ITFG1: variants seen among roughly 807,000 people sequenced by gnomAD.
ITFG1 encodes the protein T-cell immunomodulatory protein.
A neutral mutation model predicts 81.8 loss-of-function variants in ITFG1; 34 were observed. That is an observed-to-expected ratio of 0.42 (90% CI 0.32 to 0.55). The LOEUF (loss-of-function observed/expected upper bound fraction) is 0.55, where lower values mean the gene tolerates loss of function less well. Among genes scored for constraint, ITFG1 ranks in the 20% least tolerant of loss-of-function variants. The pLI, the probability that ITFG1 is intolerant of heterozygous loss-of-function variation, is 0.17. For missense variants in ITFG1, 672 were observed against 755.4 expected (o/e 0.89, Z 1.29); for synonymous variants, 285 against 270.6 (o/e 1.05, Z -0.52).
At chr16:47,333,782 T>A (rs1438031438) in intron 8 of ITFG1, among the ~76,000 whole-genome samples, 1 of 152,222 alleles carries the variant, frequency 6.6e-6, no homozygotes, top group Non-Finnish European at 1.5e-5. Flanking sequence ...TTTAAGGAAC[T>A]GCTCTTTTTA....
At chr16:47,357,124 C>G (rs1343289135) in intron 8 of ITFG1, among the ~76,000 whole-genome samples, 2 of 151,552 alleles carry the variant, frequency 1.3e-5, no homozygotes, top group African/African-American at 2.4e-5. Context: ...ATTATATTAA[C>G]TAGGGTAGGC....
chr16:47,376,479 T>C (rs1341839951), intron 6 of ITFG1, among the ~76,000 whole-genome samples: 3 of 152,128 alleles, frequency 2.0e-5, no homozygotes, highest in Non-Finnish European at 2.9e-5. Flanking sequence ...AAAAGTACAA[T>C]AATTTTAATA....
intron 6 of ITFG1, among the ~76,000 whole-genome samples, chr16:47,401,687 T>C (rs1274399878): frequency 6.6e-6 from 1 of 152,116 alleles, no homozygotes; most frequent in Non-Finnish European, 1.5e-5. Context: ...AACAGATAAA[T>C]ATTAAAATCA....
chr16:47,169,081 T>TA (rs1278874721), intron 14 of ITFG1, among the ~76,000 whole-genome samples: 1 of 152,250 alleles, frequency 6.6e-6, no homozygotes, highest in Non-Finnish European at 1.5e-5. Flanking sequence ...TCCATTGGTT[T>TA]ATATGTCTGT....
chr16:47,264,637 C>CAT (rs746259926), intron 10 of ITFG1, among the ~76,000 whole-genome samples: 17 of 150,402 alleles, frequency 1.1e-4, no homozygotes, highest in Non-Finnish European at 2.2e-4. Flanking sequence ...ACGAGAAATT[C>CAT]CAGATGACAG....
intron 5 of ITFG1, among the ~76,000 whole-genome samples, chr16:47,446,320 T>G (rs2151616831): frequency 6.6e-6 from 1 of 152,304 alleles, no homozygotes; most frequent in East Asian, 1.9e-4. Flanking sequence ...TGGGCTTCAA[T>G]GAGAACTCAA....
At chr16:47,451,278 C>A in intron 5 of ITFG1, 118 bp downstream of exon 5, 1 of 597,286 alleles carries the variant, frequency 1.7e-6, no homozygotes, top group Non-Finnish European at 2.9e-6. Context: ...ATATATTAAC[C>A]AAATGCCCAC....
At chr16:47,444,146 A>G (rs1969292021) in intron 5 of ITFG1, among the ~76,000 whole-genome samples, 1 of 152,222 alleles carries the variant, frequency 6.6e-6, no homozygotes, top group Non-Finnish European at 1.5e-5. Context: ...ACTGCTGAGA[A>G]ATGACTCAAT....
intron 3 of ITFG1, among the ~76,000 whole-genome samples, chr16:47,453,394 T>C (rs997940360): frequency 6.6e-6 from 1 of 152,224 alleles, no homozygotes; most frequent in Admixed American, 6.5e-5. Flanking sequence ...TCAACTTTTT[T>C]GTGCTTTCCT....
At chr16:47,438,132 G>C (rs1969193603) in intron 5 of ITFG1, among the ~76,000 whole-genome samples, 1 of 152,226 alleles carries the variant, frequency 6.6e-6, no homozygotes, top group African/African-American at 2.4e-5. Flanking sequence ...GCGAGGCTGG[G>C]GTAGGGGCGC....
intron 14 of ITFG1, among the ~76,000 whole-genome samples, chr16:47,162,913 A>G (rs1463243990): frequency 2.6e-5 from 4 of 152,004 alleles, no homozygotes; most frequent in Admixed American, 6.6e-5. Context: ...GGCTCAAGCT[A>G]TCCTCCTTCC....
At chr16:47,276,591 T>C (rs189614663) in intron 10 of ITFG1, among the ~76,000 whole-genome samples, 2 of 152,170 alleles carry the variant, frequency 1.3e-5, no homozygotes, top group Non-Finnish European at 2.9e-5. Context: ...CAAAATTACA[T>C]GGGAAGGTAT....
chr16:47,229,422 G>A (rs1288703764), intron 13 of ITFG1, among the ~76,000 whole-genome samples: 2 of 152,092 alleles, frequency 1.3e-5, no homozygotes, highest in Admixed American at 6.5e-5. Context: ...ATAGAGTTGT[G>A]GGAGGGCCTG....
At chr16:47,319,335 A>G (rs1034574752) in intron 8 of ITFG1, among the ~76,000 whole-genome samples, 1 of 152,166 alleles carries the variant, frequency 6.6e-6, no homozygotes, top group Admixed American at 6.6e-5. Flanking sequence ...GAATCCTGTC[A>G]GTTGTTTTCT....
Position 47,161,741 on chromosome 16 carries a change from G to C in ITFG1, c.1661+9C>G, listed in dbSNP as rs758758388. On this transcript the variant is annotated intron_variant, in intron 16 of 17. Coordinates refer to ENST00000320640, the MANE Select transcript of ITFG1 (RefSeq NM_030790.5). ...GTCTTTACCAAATCGGTTCAAGCAA[G>C]TACATTACCTTCGAGGGACATTGTG... The C allele has an allele frequency of 2.5e-6, 4 of 1,582,968 alleles. No individual in the cohort carries two copies. Among genetic ancestry groups the C allele is most frequent in the Non-Finnish European group, 3.5e-6 (4 of 1,151,906 alleles).
chr16:47,381,209 A>G (rs1178782687), intron 6 of ITFG1, among the ~76,000 whole-genome samples: 3 of 152,234 alleles, frequency 2.0e-5, no homozygotes, highest in African/African-American at 7.2e-5. Flanking sequence ...ACTAAATCAT[A>G]TTAGAAAAAC....
At chr16:47,187,065 G>A (rs1965228388) in intron 14 of ITFG1, among the ~76,000 whole-genome samples, 1 of 152,136 alleles carries the variant, frequency 6.6e-6, no homozygotes, top group East Asian at 1.9e-4. Flanking sequence ...GGATGTGAAG[G>A]ACCTCTTCAA....
intron 6 of ITFG1, among the ~76,000 whole-genome samples, chr16:47,394,048 CT>C (rs1391564038): frequency 3.9e-5 from 6 of 152,168 alleles, no homozygotes; most frequent in Non-Finnish European, 8.8e-5. Flanking sequence ...GCTAGAAATG[CT>C]TGTGAGCAAT....
At chr16:47,289,678 G>C (rs1382599148) in intron 10 of ITFG1, among the ~76,000 whole-genome samples, 2 of 151,926 alleles carry the variant, frequency 1.3e-5, no homozygotes, top group Non-Finnish European at 2.9e-5. Context: ...GTATTTCTGT[G>C]ATATCAATTT....
Sources: gnomAD v4.1 joint callset for allele counts (sites outside exome capture counted in the v4.1 genomes callset) on GRCh38, gnomAD v4.1.1 for gene constraint, MANE v1.5 for transcripts, NCBI Gene and HGNC (gene_info 2026-07-23, HGNC 2026-07-21) for gene names.